Variants in SMNDC1 observed in about 807,000 individuals in gnomAD.
The protein encoded by SMNDC1 is survival motor neuron domain containing 1.
SMNDC1 carries 5 observed loss-of-function variants against 29.2 expected under a neutral mutation model. That is an observed-to-expected ratio of 0.17 (90% CI 0.09 to 0.36). SMNDC1 has a LOEUF of 0.36. Ranked by LOEUF, SMNDC1 falls within the 10% of genes least tolerant of loss-of-function variation. The pLI, the probability that SMNDC1 is intolerant of heterozygous loss-of-function variation, is 1.00. For synonymous variants in SMNDC1, 80 were observed against 89.9 expected (o/e 0.89, Z 0.62); for missense variants, 142 against 268.5 (o/e 0.53, Z 3.29).
rs758871234 is a variant in SMNDC1 at position 110,295,358 on chromosome 10, C to T, written c.449G>A (p.Arg150His). The change falls in exon 5 of 6, where the codon CGT (arginine) becomes CAT (histidine). Residue 150 changes from arginine to histidine, a missense_variant. This residue lies in a region of SMNDC1 where 54 missense variants were observed against 152.1 expected (regional missense o/e 0.36). Transcript: ENST00000369603. ...MSKKEMIAQQ[R>H]EYKKKKALKK... ...CAAAGCTTTCTTCTTTTTATATTCA[C>T]GCTGCTGGGCAATCATTTCTTTTCT... is the stretch of plus-strand genomic sequence containing the variant. 3 of 1,586,298 alleles carry T rather than the reference C, an allele frequency of 1.9e-6. No homozygotes were observed. The highest frequency in any genetic ancestry group is 1.9e-5 in the Admixed American group (1 of 53,808).
At chr10:110,295,089 T>C (rs1007615323) in intron 5 of SMNDC1, 139 bp downstream of exon 5, 16 of 686,156 alleles carry the variant, frequency 2.3e-5, no homozygotes, top group South Asian at 6.1e-5. Context: ...ATAAGTTAAA[T>C]TGAGCATCAA....
rs891157674 is a variant in SMNDC1 at position 110,291,340 on chromosome 10, G to C, written c.*2810C>G. 1 of 152,090 alleles carries C rather than the reference G, an allele frequency of 6.6e-6. No homozygotes were observed. The highest frequency in any genetic ancestry group is 1.5e-5 in the Non-Finnish European group (1 of 68,018). The allele number at this position is 152,090 out of a possible 1,614,324, so 9.4% of individuals were successfully genotyped here. On this transcript the variant is annotated 3_prime_UTR_variant, in exon 6 of 6. Transcript: ENST00000369603. ...CCTTCCCATTAAGAAACATGCCCTAGTATACAAATTAGTTCAAACCTTTAA... is the reference window on the plus strand; with the variant it reads ...CCTTCCCATTAAGAAACATGCCCTACTATACAAATTAGTTCAAACCTTTAA...
intron 2 of SMNDC1, 83 bp from the exon 3 acceptor site, chr10:110,298,873 T>C (rs760462147): frequency 6.3e-6 from 6 of 958,852 alleles, no homozygotes; most frequent in Non-Finnish European, 1.6e-6. Context: ...CTTCATACTG[T>C]ACGTTAAGTA....
chr10:110,294,335 T>TA lies in SMNDC1; in HGVS notation c.580-49dup, dbSNP rs754001411. ...CATTCCTGATTAGTGTTGGAAAAAA[T>TA]AAAAAATTTCAAATTTTAAGTAATG... On this transcript the variant is annotated intron_variant, in intron 5 of 5. Transcript: ENST00000369603. 12 of 1,482,336 alleles carry TA rather than the reference T, an allele frequency of 8.1e-6. No individual in the cohort carries two copies. In the African/African-American group the frequency reaches 1.7e-4, roughly 22 times the overall value. 91.8% of individuals were successfully genotyped at this position (1,482,336 alleles called of 1,614,324 possible). A position where few individuals can be genotyped will look rare whatever the true frequency, so the allele number is the denominator to read the frequency against.
At chr10:110,299,947 A>C (rs546836335) in intron 2 of SMNDC1, among the ~76,000 whole-genome samples, 1 of 152,364 alleles carries the variant, frequency 6.6e-6, no homozygotes, top group Non-Finnish European at 1.5e-5. Flanking sequence ...TAGTAGGAAT[A>C]ATATCTCTAA....
chr10:110,297,774 C>T (rs372234445), intron 3 of SMNDC1, 46 bp from the exon 4 acceptor site: 19 of 1,564,238 alleles, frequency 1.2e-5, no homozygotes, highest in Non-Finnish European at 1.7e-5. Flanking sequence ...AGGTTTAGTA[C>T]TCAGCCTACA....
At chr10:110,304,348 A>G (rs1475284013) in intron 1 of SMNDC1, 2 of 152,300 alleles carry the variant, frequency 1.3e-5, no homozygotes, top group African/African-American at 4.8e-5. Context: ...AGGCCCCCTA[A>G]GAGTTACAGC....
intron 2 of SMNDC1, among the ~76,000 whole-genome samples, chr10:110,299,784 A>C (rs535662263): frequency 3.2e-4 from 49 of 152,356 alleles, no homozygotes; most frequent in Non-Finnish European, 5.9e-4. Context: ...TTTTGATTCC[A>C]GTAGCCAAGA....
At chr10:110,298,910 A>C (rs551246992) in intron 2 of SMNDC1, 120 bp from the exon 3 acceptor site, 34 of 691,626 alleles carry the variant, frequency 4.9e-5, no homozygotes, top group Non-Finnish European at 6.4e-5. Context: ...TTTGCAGCTC[A>C]TAACACTATT....
At chr10:110,297,913 T>C (rs1381597380) in intron 3 of SMNDC1, among the ~76,000 whole-genome samples, 185 bp from the exon 4 acceptor site, 1 of 152,140 alleles carries the variant, frequency 6.6e-6, no homozygotes, top group African/African-American at 2.4e-5. Context: ...AAAAAGGACA[T>C]CCCAATCATA....
intron 5 of SMNDC1, 92 bp from the exon 6 acceptor site, chr10:110,294,379 T>C: frequency 9.1e-7 from 1 of 1,104,364 alleles, no homozygotes; most frequent in Non-Finnish European, 1.3e-6. Flanking sequence ...TATTCTGGTT[T>C]CAACGTTTAA....
rs1857491121 is a variant in SMNDC1 at position 110,290,760 on chromosome 10, AAT to A, written c.*3388_*3389del. 6.6e-6 allele frequency: 1 copy of A among 152,250 alleles called. No individual in the cohort carries two copies. The highest frequency in any genetic ancestry group is 1.5e-5 in the Non-Finnish European group (1 of 68,038). 9.4% of individuals were successfully genotyped at this position (152,250 alleles called of 1,614,324 possible). On this transcript the variant is annotated 3_prime_UTR_variant, in exon 6 of 6. Coordinates refer to ENST00000369603, the MANE Select transcript of SMNDC1 (RefSeq NM_005871.4). ...AAAAATATAAAACCTCATTGGTTTT[AAT>A]AGATTTTCTTCCTTTATATTTCAGT...
intron 1 of SMNDC1, chr10:110,304,440 CCAG>C (rs1420621290): frequency 1.3e-5 from 2 of 152,396 alleles, no homozygotes; most frequent in Admixed American, 6.5e-5. Flanking sequence ...AATCCACACG[CCAG>C]CTCCAAGACC....
rs1857497448 is a variant in SMNDC1 at position 110,291,345 on chromosome 10, C to T, written c.*2805G>A. 6.6e-6 allele frequency: 1 copy of T among 152,146 alleles called. No individual in the cohort carries two copies. The highest frequency in any genetic ancestry group is 2.1e-4 in the South Asian group (1 of 4,828). The allele number at this position is 152,146 out of a possible 1,614,324, so 9.4% of individuals were successfully genotyped here. Reference sequence around the variant, plus strand: ...CCATTAAGAAACATGCCCTAGTATACAAATTAGTTCAAACCTTTAACTAGG... The same window carrying T: ...CCATTAAGAAACATGCCCTAGTATATAAATTAGTTCAAACCTTTAACTAGG... On this transcript the variant is annotated 3_prime_UTR_variant, in exon 6 of 6. Transcript: ENST00000369603.
At chr10:110,297,847 GGTT>G in intron 3 of SMNDC1, 119 bp from the exon 4 acceptor site, 1 of 876,906 alleles carries the variant, frequency 1.1e-6, no homozygotes, top group Non-Finnish European at 1.7e-6. Flanking sequence ...ATAATCAAAT[GGTT>G]GTTTCAGCAA....
In SMNDC1 at chr10:110,304,767, G is replaced by C. The variant is rs1857720109; in HGVS notation, c.-20C>G. ...TGTTACCTTGTGTGGGGCTGGGGGC[G>C]GGGCGGCGGGAAGGGGTCGGGGCAA... On this transcript the variant is annotated 5_prime_UTR_variant, in exon 1 of 6. Coordinates refer to ENST00000369603, the MANE Select transcript of SMNDC1 (RefSeq NM_005871.4). The C allele has an allele frequency of 6.5e-6, 1 of 152,690 alleles. No individual in the cohort carries two copies. Among genetic ancestry groups the C allele is most frequent in the Admixed American group, 6.5e-5 (1 of 15,284 alleles). 9.5% of individuals were successfully genotyped at this position (152,690 alleles called of 1,614,324 possible).
chr10:110,303,641 TA>T, intron 1 of SMNDC1, 54 bp from the exon 2 acceptor site: 1 of 1,527,078 alleles, frequency 6.5e-7, no homozygotes. Flanking sequence ...AATCAAGGCA[TA>T]AAAAACTAAC....
intron 2 of SMNDC1, among the ~76,000 whole-genome samples, chr10:110,301,123 T>C (rs1473485864): frequency 2.0e-5 from 3 of 152,204 alleles, no homozygotes; most frequent in Non-Finnish European, 2.9e-5. Context: ...AGAAACCATA[T>C]GATGGTCAAA....
chr10:110,294,802 T>C (rs903877502), intron 5 of SMNDC1, among the ~76,000 whole-genome samples: 1 of 152,204 alleles, frequency 6.6e-6, no homozygotes, highest in Non-Finnish European at 1.5e-5. Context: ...TATTCTCAAC[T>C]TCCTATATGA....
Sources: gnomAD v4.1 joint callset for allele counts (sites outside exome capture counted in the v4.1 genomes callset) on GRCh38, gnomAD v4.1.1 for gene constraint, gnomAD v4.1.1 regional missense constraint, MANE v1.5 for transcripts, NCBI Gene and HGNC (gene_info 2026-07-23, HGNC 2026-07-21) for gene names.